AGMO: variants seen among roughly 807,000 people sequenced by gnomAD.
AGMO encodes alkylglycerol monooxygenase.
A neutral mutation model predicts 60.2 loss-of-function variants in AGMO; 75 were observed. The ratio of observed to expected loss-of-function variants is 1.25; its 90% CI spans 1.03 to 1.51. The LOEUF (loss-of-function observed/expected upper bound fraction) is 1.51, where lower values mean the gene tolerates loss of function less well. AGMO is among the 40% of genes most tolerant of loss of function. The pLI, the probability that AGMO is intolerant of heterozygous loss-of-function variation, is 0.00. For synonymous variants in AGMO, 261 were observed against 177.1 expected, an observed-to-expected ratio of 1.47 and a Z score of -3.76; for missense variants, 763 against 525.5, an observed-to-expected ratio of 1.45 and a Z score of -4.42.
At chr7:15,486,403 A>C (rs1230210040) in intron 3 of AGMO, among the ~76,000 whole-genome samples, 1 of 152,222 alleles carries the variant, frequency 6.6e-6, no homozygotes, top group Non-Finnish European at 1.5e-5. Context: ...AGCTTGAGAA[A>C]GTGACAATAT....
At chr7:15,447,720 T>G (rs1003050272) in intron 3 of AGMO, among the ~76,000 whole-genome samples, 5 of 151,542 alleles carry the variant, frequency 3.3e-5, no homozygotes, top group African/African-American at 9.7e-5. Flanking sequence ...CTGGCTAAAT[T>G]TTTTTTTTTT....
At chr7:15,339,436 G>A (rs1408288011) in intron 12 of AGMO, among the ~76,000 whole-genome samples, 1 of 152,114 alleles carries the variant, frequency 6.6e-6, no homozygotes, top group Non-Finnish European at 1.5e-5. Context: ...CATATACAGT[G>A]TGATTATGCA....
At chr7:15,387,316 T>A in intron 9 of AGMO, 90 bp downstream of exon 9, 2 of 1,412,756 alleles carry the variant, frequency 1.4e-6, no homozygotes. Flanking sequence ...TTTTACAGAT[T>A]TGCATGAAAA....
At chr7:15,212,266 AC>A (rs1423079267) in intron 12 of AGMO, among the ~76,000 whole-genome samples, 5 of 123,628 alleles carry the variant, frequency 4.0e-5, no homozygotes, top group African/African-American at 1.6e-4. Context: ...ACACACACAC[AC>A]ACACACACAC....
At chr7:15,257,427 AATGAG>A (rs1783129401) in intron 12 of AGMO, among the ~76,000 whole-genome samples, 1 of 152,170 alleles carries the variant, frequency 6.6e-6, no homozygotes, top group Non-Finnish European at 1.5e-5. Context: ...TTCTTATAAG[AATGAG>A]ATATTTATTA....
chr7:15,365,966 A>G (rs1021489005), intron 11 of AGMO, among the ~76,000 whole-genome samples, 174 bp downstream of exon 11: 15 of 152,240 alleles, frequency 9.9e-5, no homozygotes, highest in East Asian at 1.9e-4. Flanking sequence ...AAAAATGAGT[A>G]GTTAGGAGAA....
chr7:15,306,612 C>G, intron 12 of AGMO: 1 of 423,886 alleles, frequency 2.4e-6, no homozygotes, highest in Non-Finnish European at 4.7e-6. Context: ...ATTTGTGTTA[C>G]CTTGCTAAAA....
the AGMO span, among the ~76,000 whole-genome samples, chr7:15,123,082 T>C: frequency 8.5e-5 from 13 of 152,170 alleles, no homozygotes; most frequent in African/African-American, 2.9e-4. Context: ...AGTTGTGCTC[T>C]TGCCCTAGGG....
At chr7:15,446,430 G>C (rs1020812047) in intron 3 of AGMO, among the ~76,000 whole-genome samples, 1 of 152,122 alleles carries the variant, frequency 6.6e-6, no homozygotes, top group African/African-American at 2.4e-5. Context: ...GTATTGCAGA[G>C]TTGCATAATA....
chr7:15,404,562 A>G (rs1342224999), intron 5 of AGMO, among the ~76,000 whole-genome samples: 1 of 151,868 alleles, frequency 6.6e-6, no homozygotes, highest in African/African-American at 2.4e-5. Context: ...TTTTATATTT[A>G]CAGGTTTAGG....
chr7:15,330,704 G>T (rs1474220438), intron 12 of AGMO, among the ~76,000 whole-genome samples: 1 of 152,032 alleles, frequency 6.6e-6, no homozygotes, highest in Non-Finnish European at 1.5e-5. Flanking sequence ...ATATATTTTA[G>T]TTGCTAATAT....
At chr7:15,448,778 G>C (rs998695558) in intron 3 of AGMO, among the ~76,000 whole-genome samples, 1 of 152,190 alleles carries the variant, frequency 6.6e-6, no homozygotes, top group African/African-American at 2.4e-5. Flanking sequence ...GCAGTCAGCT[G>C]TGAGGAGAGT....
At chr7:15,525,531 G>C (rs1048709511) in intron 3 of AGMO, among the ~76,000 whole-genome samples, 2 of 152,062 alleles carry the variant, frequency 1.3e-5, no homozygotes, top group Non-Finnish European at 2.9e-5. Context: ...AGCTGAGAGA[G>C]AGACCCCGCT....
intron 3 of AGMO, among the ~76,000 whole-genome samples, chr7:15,485,581 A>C (rs1782897804): frequency 6.6e-6 from 1 of 152,108 alleles, no homozygotes; most frequent in Non-Finnish European, 1.5e-5. Context: ...TGCACTTTGC[A>C]ACCCATTTCT....
chr7:15,196,011 C>T (rs1015221444), downstream of AGMO, among the ~76,000 whole-genome samples: 1 of 151,628 alleles, frequency 6.6e-6, no homozygotes, highest in Non-Finnish European at 1.5e-5. Context: ...CCCTTCCCTC[C>T]TCTCTTTTCT....
In AGMO at chr7:15,422,233, T is replaced by A. The variant is rs541209369; in HGVS notation, c.514-3580A>T. ...CAAAAAAGGAGACAGCTGGATGTAT[T>A]CCTTCAATAAAACAATGGATGAGGG... On this transcript the variant is annotated intron_variant, in intron 4 of 12. Coordinates refer to ENST00000342526, the MANE Select transcript of AGMO (RefSeq NM_001004320.2). 2.0e-4 allele frequency among the ~76,000 whole-genome samples: 31 copies of A among 152,126 alleles called. No individual in the cohort carries two copies. In the South Asian group the frequency reaches 6.4e-3, roughly 32 times the overall value.
At chr7:15,279,347 T>G (rs1001764622) in intron 12 of AGMO, among the ~76,000 whole-genome samples, 2 of 152,198 alleles carry the variant, frequency 1.3e-5, no homozygotes, top group Non-Finnish European at 2.9e-5. Flanking sequence ...AATTCCAGCA[T>G]GCTCTCTTAG....
At chr7:15,384,902 C>A (rs1583487945) in intron 10 of AGMO, among the ~76,000 whole-genome samples, 1 of 125,900 alleles carries the variant, frequency 7.9e-6, no homozygotes, top group Admixed American at 8.8e-5. Context: ...TATGAGTATT[C>A]TTTTGTGGCC....
At chr7:15,508,540 G>A (rs985566768) in intron 3 of AGMO, among the ~76,000 whole-genome samples, 1 of 152,034 alleles carries the variant, frequency 6.6e-6, no homozygotes, top group Non-Finnish European at 1.5e-5. Flanking sequence ...AACATATGCA[G>A]GGAACTAAAA....
Sources: allele counts gnomAD v4.1 joint callset (sites outside exome capture counted in the v4.1 genomes callset), GRCh38; gene constraint gnomAD v4.1.1; transcripts MANE v1.5; gene names NCBI Gene and HGNC (gene_info 2026-07-23, HGNC 2026-07-21).